The following KCNMA1 variants were observed in gnomAD, a reference collection of about 807,000 sequenced individuals.
KCNMA1 encodes the protein potassium calcium-activated channel subfamily M alpha 1, also known as Calcium-activated potassium channel subunit alpha-1.
In KCNMA1, 29 loss-of-function variants were observed where a neutral mutation model predicts 140.0. The observed-to-expected ratio is 0.21, with a 90% CI of 0.15 to 0.28. KCNMA1 has a LOEUF of 0.28. Among genes scored for constraint, KCNMA1 ranks in the 10% least tolerant of loss-of-function variants. KCNMA1 has a pLI of 1.00. For missense variants in KCNMA1, 880 were observed against 1,602.2 expected (o/e 0.55, Z 7.70); for synonymous variants, 612 against 611.9 (o/e 1.00, Z 0.00).
chr10:77,528,579 A>G (rs2056613912), intron 1 of KCNMA1, among the ~76,000 whole-genome samples: 1 of 151,416 alleles, frequency 6.6e-6, no homozygotes, highest in Non-Finnish European at 1.5e-5. Flanking sequence ...ACTGCACTCC[A>G]GCCTGGGTGA....
chr10:77,069,306 C>T (rs1463577278), intron 14 of KCNMA1, among the ~76,000 whole-genome samples: 1 of 152,176 alleles, frequency 6.6e-6, no homozygotes, highest in East Asian at 1.9e-4. Flanking sequence ...TTCGTGCGAA[C>T]TCCTTAAAGG....
chr10:77,464,870 A>G (rs1251493875), intron 1 of KCNMA1, among the ~76,000 whole-genome samples: 2 of 152,206 alleles, frequency 1.3e-5, no homozygotes, highest in Non-Finnish European at 2.9e-5. Flanking sequence ...TTCAGATAGA[A>G]AGTTTCTAAA....
intron 26 of KCNMA1, among the ~76,000 whole-genome samples, chr10:76,890,217 G>C (rs1213172205): frequency 6.6e-6 from 1 of 152,194 alleles, no homozygotes; most frequent in African/African-American, 2.4e-5. Flanking sequence ...CCCGGGGTCT[G>C]GGGCCTGATG....
At chr10:76,891,185 A>G (rs918928315) in intron 26 of KCNMA1, among the ~76,000 whole-genome samples, 2 of 152,212 alleles carry the variant, frequency 1.3e-5, no homozygotes, top group Non-Finnish European at 2.9e-5. Context: ...CGTGAAGAGA[A>G]CACCAAGGAG....
chr10:77,245,331 G>T (rs2058315886), intron 3 of KCNMA1, among the ~76,000 whole-genome samples: 1 of 152,176 alleles, frequency 6.6e-6, no homozygotes, highest in African/African-American at 2.4e-5. Context: ...AAAGGGGATA[G>T]TGAAAGCTGG....
intron 1 of KCNMA1, among the ~76,000 whole-genome samples, chr10:77,480,602 C>T (rs1441639327): frequency 6.6e-6 from 1 of 152,156 alleles, no homozygotes; most frequent in Admixed American, 6.6e-5. Context: ...TAAGCTTGCC[C>T]AGAAGGTGCT....
At chr10:77,196,689 C>A (rs570843534) in intron 3 of KCNMA1, among the ~76,000 whole-genome samples, 3 of 152,122 alleles carry the variant, frequency 2.0e-5, no homozygotes, top group South Asian at 4.1e-4. Context: ...AAGAAGCATT[C>A]GGCTTTGTTT....
chr10:77,559,204 C>T (rs967864629), intron 1 of KCNMA1, among the ~76,000 whole-genome samples: 1 of 152,192 alleles, frequency 6.6e-6, no homozygotes, highest in African/African-American at 2.4e-5. Context: ...CTGAGAAGCA[C>T]ACACTGGTGC....
At chr10:77,263,976 T>C (rs148837881) in intron 2 of KCNMA1, among the ~76,000 whole-genome samples, 1 of 152,246 alleles carries the variant, frequency 6.6e-6, no homozygotes, top group East Asian at 1.9e-4. Flanking sequence ...AAATAAATGG[T>C]ATTTTTGTAT....
chr10:77,047,740 C>CTAA (rs1278228225), intron 14 of KCNMA1, among the ~76,000 whole-genome samples: 1 of 151,800 alleles, frequency 6.6e-6, no homozygotes, highest in Non-Finnish European at 1.5e-5. Flanking sequence ...TGCAACCTTG[C>CTAA]TAATAGTAAA....
intron 2 of KCNMA1, among the ~76,000 whole-genome samples, chr10:77,399,908 T>A (rs906180932): frequency 6.6e-6 from 1 of 152,194 alleles, no homozygotes; most frequent in African/African-American, 2.4e-5. Context: ...ATTGGCAAAT[T>A]CTTCCCCAGC....
intron 11 of KCNMA1, 149 bp downstream of exon 11, chr10:77,086,339 A>G (rs985535053): frequency 2.9e-6 from 2 of 698,646 alleles, no homozygotes; most frequent in Non-Finnish European, 2.6e-6. Context: ...GGTGACCTCA[A>G]GGTTGCTGGT....
chr10:77,022,543 A>C (rs943684901), intron 16 of KCNMA1, among the ~76,000 whole-genome samples: 1 of 151,904 alleles, frequency 6.6e-6, no homozygotes, highest in Non-Finnish European at 1.5e-5. Flanking sequence ...TTGTTTACTC[A>C]CCTCCTACAT....
At chr10:77,633,685 G>C (rs1286277149) in intron 1 of KCNMA1, among the ~76,000 whole-genome samples, 1 of 152,202 alleles carries the variant, frequency 6.6e-6, no homozygotes, top group Admixed American at 6.5e-5. Flanking sequence ...CAGCCATGGA[G>C]ACAACATCTC....
At chr10:77,237,643 G>A (rs532256698) in intron 3 of KCNMA1, among the ~76,000 whole-genome samples, 1 of 152,040 alleles carries the variant, frequency 6.6e-6, no homozygotes, top group Non-Finnish European at 1.5e-5. Flanking sequence ...ACATTTTCCA[G>A]GGCCTCACTA....
chr10:77,365,209 A>T (rs982294501), intron 2 of KCNMA1, among the ~76,000 whole-genome samples: 22 of 152,114 alleles, frequency 1.4e-4, no homozygotes, highest in African/African-American at 5.3e-4. Flanking sequence ...CAAGCATCAC[A>T]ATCTCACTCT....
At chr10:76,984,633 G>C (rs191993316) in intron 19 of KCNMA1, among the ~76,000 whole-genome samples, 2 of 152,160 alleles carry the variant, frequency 1.3e-5, no homozygotes, top group Admixed American at 1.3e-4. Flanking sequence ...GGATTAATTT[G>C]TGTAAATAGA....
chr10:77,514,107 C>T (rs937243863), intron 1 of KCNMA1, among the ~76,000 whole-genome samples: 1 of 152,358 alleles, frequency 6.6e-6, no homozygotes, highest in East Asian at 1.9e-4. Flanking sequence ...GGGGCCTCCC[C>T]GCTAACATCA....
chr10:77,178,977 C>T (rs937338371), intron 5 of KCNMA1, among the ~76,000 whole-genome samples: 15 of 152,244 alleles, frequency 9.9e-5, no homozygotes, highest in African/African-American at 3.6e-4. Flanking sequence ...GCCGACATGA[C>T]TGTCCTCACA....
Sources: gnomAD v4.1 joint callset for allele counts (sites outside exome capture counted in the v4.1 genomes callset) on GRCh38, gnomAD v4.1.1 for gene constraint, MANE v1.5 for transcripts, NCBI Gene and HGNC (gene_info 2026-07-23, HGNC 2026-07-21) for gene names.